Variants in ERICH6B observed in about 807,000 individuals in gnomAD.
ERICH6B encodes the protein glutamate rich 6B.
In ERICH6B, 69 loss-of-function variants were observed where a neutral mutation model predicts 80.0. That is an observed-to-expected ratio of 0.86 (90% CI 0.71 to 1.05). The LOEUF is 1.05. ERICH6B is among the 50% of genes least tolerant of loss of function. The pLI is 0.00. For missense variants in ERICH6B, 754 were observed against 796.1 expected (o/e 0.95, Z 0.64); for synonymous variants, 283 against 291.9 (o/e 0.97, Z 0.31).
intron 2 of ERICH6B, among the ~76,000 whole-genome samples, chr13:45,600,666 T>C (rs1949821954): frequency 6.6e-6 from 1 of 152,260 alleles, no homozygotes; most frequent in Non-Finnish European, 1.5e-5. Flanking sequence ...ATTCATGTTG[T>C]TGCGGAAGAC....
chr13:45,567,792 A>G (rs113257676), intron 9 of ERICH6B, among the ~76,000 whole-genome samples: 6 of 152,366 alleles, frequency 3.9e-5, no homozygotes, highest in African/African-American at 1.4e-4. Flanking sequence ...CAGGTCTACA[A>G]TAACCTTACA....
intron 8 of ERICH6B, among the ~76,000 whole-genome samples, chr13:45,572,994 A>G (rs992264581): frequency 6.6e-6 from 1 of 151,020 alleles, no homozygotes; most frequent in African/African-American, 2.4e-5. Context: ...TCTCGGTGGG[A>G]ATAGGAAAAT....
At chr13:45,545,526 C>T (rs568587218) in intron 13 of ERICH6B, among the ~76,000 whole-genome samples, 1 of 152,248 alleles carries the variant, frequency 6.6e-6, no homozygotes, top group Non-Finnish European at 1.5e-5. Flanking sequence ...CACACAGACA[C>T]ATCTCACATA....
At chr13:45,543,387 A>G (rs1195437819) in intron 14 of ERICH6B, among the ~76,000 whole-genome samples, 11 of 152,114 alleles carry the variant, frequency 7.2e-5, no homozygotes. Flanking sequence ...TTATTTGGAA[A>G]CGGGGTCTCT....
chr13:45,564,862 C>T (rs1874846569), intron 9 of ERICH6B, among the ~76,000 whole-genome samples: 2 of 152,158 alleles, frequency 1.3e-5, no homozygotes, highest in South Asian at 4.1e-4. Context: ...CCAGAGGCAC[C>T]CAAGGCCCTT....
chr13:45,547,602 C>T (rs969161341), intron 13 of ERICH6B, among the ~76,000 whole-genome samples: 84 of 152,298 alleles, frequency 5.5e-4, no homozygotes, highest in African/African-American at 1.9e-3. Context: ...TGAAGAAGCA[C>T]GTTGAGCCAC....
intron 5 of ERICH6B, among the ~76,000 whole-genome samples, chr13:45,584,426 T>C (rs1326945157): frequency 6.6e-6 from 1 of 152,232 alleles, no homozygotes; most frequent in Non-Finnish European, 1.5e-5. Flanking sequence ...CGAGAAAGGC[T>C]GAGCCATGTG....
chr13:45,603,933 G>A (rs1949842117), intron 2 of ERICH6B, among the ~76,000 whole-genome samples: 1 of 152,206 alleles, frequency 6.6e-6, no homozygotes, highest in Non-Finnish European at 1.5e-5. Context: ...CACACAGCGG[G>A]TACGATGTGT....
chr13:45,588,052 T>C (rs942344976), intron 4 of ERICH6B, among the ~76,000 whole-genome samples: 4 of 152,158 alleles, frequency 2.6e-5, no homozygotes, highest in African/African-American at 9.7e-5. Flanking sequence ...GTAGAGGCAC[T>C]TGGGGTAAGT....
At chr13:45,589,538 G>A (rs751637706) in intron 4 of ERICH6B, among the ~76,000 whole-genome samples, 1 of 152,128 alleles carries the variant, frequency 6.6e-6, no homozygotes, top group Non-Finnish European at 1.5e-5. Flanking sequence ...CCAAAACCCC[G>A]TGAGGCTGGA....
chr13:45,574,832 T>A lies in ERICH6B; in HGVS notation c.1050+10A>T. On this transcript the variant is annotated intron_variant, in intron 8 of 14. Coordinates refer to ENST00000298738, the MANE Select transcript of ERICH6B (RefSeq NM_182542.3). The stretch of plus-strand genomic sequence containing the variant: ...CTGGGGGGGGGGTCTCAAGTTTTTA[T>A]CCAACTTACGTTTTCATCTAAATCT... The A allele has an allele frequency of 6.5e-7, 1 of 1,540,012 alleles. No homozygotes were observed. The highest frequency in any genetic ancestry group is 8.8e-7 in the Non-Finnish European group (1 of 1,136,802).
intron 6 of ERICH6B, 94 bp downstream of exon 6, chr13:45,580,509 C>T: frequency 7.5e-7 from 1 of 1,327,586 alleles, no homozygotes; most frequent in South Asian, 1.3e-5. Context: ...AGCATGCTCT[C>T]CTTGGCTGGG....
At chr13:45,557,964 G>A (rs1437470468) in intron 11 of ERICH6B, among the ~76,000 whole-genome samples, 1 of 149,330 alleles carries the variant, frequency 6.7e-6, no homozygotes. Context: ...TTCTAGTTCT[G>A]TGAAGAATGA....
rs1194040738 is a variant in ERICH6B at position 45,561,506 on chromosome 13, T to A, written c.1270A>T (p.Thr424Ser). The change falls in exon 11 of 15, where the codon ACC becomes TCC. Residue 424 changes from threonine (T) to serine (S), a missense_variant. Transcript: ENST00000298738. ...CTCATTAAATGAAATGTGAAACTGG[T>A]CATCTCTGTTAACTTTTGAGCTGCC... ...RREAQKLTEM[T>S]SFTFHLMSKP... 3 of 1,551,640 alleles carry A rather than the reference T, an allele frequency of 1.9e-6. No individual in the cohort carries two copies. The East Asian group carries it at 7.3e-5, about 38-fold the overall frequency.
At chr13:45,596,023 CAATT>C (rs771096445) in intron 3 of ERICH6B, among the ~76,000 whole-genome samples, 2 of 152,150 alleles carry the variant, frequency 1.3e-5, no homozygotes, top group Non-Finnish European at 2.9e-5. Context: ...ATACAAATAA[CAATT>C]ATTATTATAA....
chr13:45,570,209 C>T (rs957027593), intron 8 of ERICH6B, among the ~76,000 whole-genome samples: 18 of 152,056 alleles, frequency 1.2e-4, no homozygotes, highest in African/African-American at 4.4e-4. Context: ...GATGAGGTCT[C>T]CCATGCCCAG....
chr13:45,605,331 A>T (rs1949851455), intron 2 of ERICH6B, among the ~76,000 whole-genome samples: 1 of 152,160 alleles, frequency 6.6e-6, no homozygotes, highest in Non-Finnish European at 1.5e-5. Context: ...TTCTCCTTTT[A>T]TCTAAATTAG....
intron 3 of ERICH6B, among the ~76,000 whole-genome samples, chr13:45,594,202 A>G (rs1216430848): frequency 6.6e-6 from 1 of 152,232 alleles, no homozygotes; most frequent in Non-Finnish European, 1.5e-5. Flanking sequence ...TGTACAATCT[A>G]TCTTGAAACC....
At chr13:45,583,970 G>A (rs1875787600) in intron 5 of ERICH6B, among the ~76,000 whole-genome samples, 3 of 152,168 alleles carry the variant, frequency 2.0e-5, no homozygotes, top group Admixed American at 2.0e-4. Context: ...TACACACAAT[G>A]TCTCTATGTG....
Sources: allele counts gnomAD v4.1 joint callset (sites outside exome capture counted in the v4.1 genomes callset), GRCh38; gene constraint gnomAD v4.1.1; transcripts MANE v1.5; gene names NCBI Gene and HGNC (gene_info 2026-07-23, HGNC 2026-07-21).